Variants in NCKAP5 observed in about 807,000 individuals in gnomAD.
NCKAP5 encodes the protein nck-associated protein 5.
Under a neutral mutation model 167.0 loss-of-function variants are expected in NCKAP5, and 92 were observed. The ratio of observed to expected loss-of-function variants is 0.55; its 90% CI spans 0.47 to 0.66. The LOEUF (loss-of-function observed/expected upper bound fraction) is 0.66. Among genes scored for constraint, NCKAP5 ranks in the 30% least tolerant of loss-of-function variants. NCKAP5 has a pLI of 0.00. For missense variants in NCKAP5, 2,378 were observed against 2,315.0 expected (o/e 1.03, Z -0.56); for synonymous variants, 891 against 877.4 (o/e 1.02, Z -0.27).
At chr2:133,098,391 C>T (rs191589871) in intron 6 of NCKAP5, among the ~76,000 whole-genome samples, 4 of 152,196 alleles carry the variant, frequency 2.6e-5, no homozygotes, top group East Asian at 1.9e-4. Context: ...ATATTAGGAT[C>T]GAATGACTCC....
chr2:133,288,492 C>T (rs140264546), intron 4 of NCKAP5, among the ~76,000 whole-genome samples: 6 of 152,222 alleles, frequency 3.9e-5, no homozygotes, highest in East Asian at 1.9e-4. Flanking sequence ...GAAGAGACAG[C>T]GTCAGACAAT....
At chr2:133,461,345 A>C (rs1283622820) in intron 3 of NCKAP5, among the ~76,000 whole-genome samples, 1 of 152,138 alleles carries the variant, frequency 6.6e-6, no homozygotes, top group African/African-American at 2.4e-5. Context: ...CCTTGATCAA[A>C]ACTTCTTAAT....
chr2:133,144,330 A>G (rs2083108363), intron 5 of NCKAP5, among the ~76,000 whole-genome samples: 1 of 152,080 alleles, frequency 6.6e-6, no homozygotes, highest in Admixed American at 6.6e-5. Context: ...TTCCAAAAAA[A>G]CTATTACAAA....
chr2:132,869,876 A>G (rs1690667584), intron 9 of NCKAP5, among the ~76,000 whole-genome samples: 1 of 152,194 alleles, frequency 6.6e-6, no homozygotes. Context: ...TCTATTGAAT[A>G]TCTATGTGGT....
intron 16 of NCKAP5, among the ~76,000 whole-genome samples, chr2:132,744,035 T>C (rs1679433923): frequency 6.6e-6 from 1 of 151,638 alleles, no homozygotes; most frequent in South Asian, 2.1e-4. Flanking sequence ...AACTCCAAAA[T>C]TATGAAGCAG....
chr2:132,685,625 A>G (rs2105077699), intron 19 of NCKAP5, among the ~76,000 whole-genome samples: 1 of 152,292 alleles, frequency 6.6e-6, no homozygotes, highest in Admixed American at 6.5e-5. Flanking sequence ...CCCTGGAACT[A>G]CAATTAATGG....
At chr2:132,714,463 G>A (rs1220341492) in intron 19 of NCKAP5, among the ~76,000 whole-genome samples, 1 of 152,110 alleles carries the variant, frequency 6.6e-6, no homozygotes, top group Non-Finnish European at 1.5e-5. Context: ...GGCAAGGTGG[G>A]CATTATGTGG....
intron 3 of NCKAP5, among the ~76,000 whole-genome samples, chr2:133,356,436 C>T (rs1684722565): frequency 6.6e-6 from 1 of 152,100 alleles, no homozygotes; most frequent in Non-Finnish European, 1.5e-5. Context: ...TCCCCATTTT[C>T]TCCACTTTCC....
In NCKAP5 at chr2:132,827,120, T is replaced by C. The variant is rs184280635; in HGVS notation, c.808-30391A>G. 1.4e-3 allele frequency among the ~76,000 whole-genome samples: 214 copies of C among 152,290 alleles called. 1 individual carries two copies. Among genetic ancestry groups the C allele is most frequent in the African/African-American group, 4.8e-3 (201 of 41,562 alleles). ...CAGATGGAGATGGAGTGTATAGATA[T>C]AGTCATGGAAAAAATTACAACTGCA... is the stretch of plus-strand genomic sequence containing the variant. On this transcript the variant is annotated intron_variant, in intron 11 of 19. Coordinates refer to ENST00000409261, the MANE Select transcript of NCKAP5 (RefSeq NM_207363.3).
chr2:133,249,689 T>G (rs2088202942), intron 4 of NCKAP5, among the ~76,000 whole-genome samples: 1 of 152,160 alleles, frequency 6.6e-6, no homozygotes, highest in African/African-American at 2.4e-5. Flanking sequence ...ACAACACAGA[T>G]TCAAGCTCTA....
chr2:132,731,940 TC>T lies in NCKAP5; in HGVS notation c.5239del (p.Asp1747ThrfsTer18). ...CTGGAGAGGCAGGAGAGGCTCAGCG[TC>T]CTCTGGGGAGTCTGGCTGGCATAGG... Reference protein sequence around the residue: ...RYLCQPDSPEDAEPLLPLQSA... With the variant: ...RYLCQPDSPEXAEPLLPLQSA... On this transcript the variant is annotated frameshift_variant, in exon 17 of 20. Transcript: ENST00000409261. LOFTEE classifies it high-confidence loss of function. 6.2e-7 allele frequency: 1 copy of T among 1,613,870 alleles called. No homozygotes were observed. The highest frequency in any genetic ancestry group is 8.5e-7 in the Non-Finnish European group (1 of 1,179,880).
chr2:132,959,265 T>G (rs1033296808), intron 8 of NCKAP5, among the ~76,000 whole-genome samples: 1 of 152,030 alleles, frequency 6.6e-6, no homozygotes. Flanking sequence ...AAGGTATAAT[T>G]GAGTAGAAAA....
chr2:133,046,587 C>G (rs1203970199), intron 6 of NCKAP5, among the ~76,000 whole-genome samples: 1 of 151,976 alleles, frequency 6.6e-6, no homozygotes, highest in Non-Finnish European at 1.5e-5. Flanking sequence ...CTATGTTGCC[C>G]AGGTTGGTCT....
intron 11 of NCKAP5, among the ~76,000 whole-genome samples, chr2:132,850,823 G>A (rs895296397): frequency 1.3e-5 from 2 of 152,044 alleles, no homozygotes; most frequent in Non-Finnish European, 2.9e-5. Context: ...TTCTGAGGTA[G>A]GAAAGGGCAG....
At chr2:132,786,476 G>C (rs80176373) in intron 13 of NCKAP5, among the ~76,000 whole-genome samples, 13,919 of 152,132 alleles carry the variant, frequency 0.091, 723 homozygotes, top group East Asian at 0.2. Flanking sequence ...CTGGGCATTC[G>C]CTGTTAGAAC....
intron 8 of NCKAP5, among the ~76,000 whole-genome samples, chr2:132,920,762 T>TGC (rs1695318020): frequency 1.4e-5 from 1 of 70,300 alleles, no homozygotes; most frequent in Non-Finnish European, 2.3e-5. Flanking sequence ...TATATGTATA[T>TGC]ATATGTATGT....
intron 3 of NCKAP5, among the ~76,000 whole-genome samples, chr2:133,344,841 G>T (rs918401017): frequency 6.6e-6 from 1 of 152,004 alleles, no homozygotes; most frequent in Non-Finnish European, 1.5e-5. Flanking sequence ...CTCTGTTTGG[G>T]TCATTTTAGG....
chr2:133,056,751 G>A (rs929963587), intron 6 of NCKAP5, among the ~76,000 whole-genome samples: 5 of 152,108 alleles, frequency 3.3e-5, no homozygotes, highest in Admixed American at 6.5e-5. Flanking sequence ...ATTTGATACC[G>A]TCATAACTTT....
chr2:133,072,508 C>G (rs2080449899), intron 6 of NCKAP5, among the ~76,000 whole-genome samples: 2 of 152,162 alleles, frequency 1.3e-5, no homozygotes, highest in Admixed American at 1.3e-4. Flanking sequence ...ACCCCACTCC[C>G]CGATCGTCTA....
Sources: gnomAD v4.1 joint callset for allele counts (sites outside exome capture counted in the v4.1 genomes callset) on GRCh38, gnomAD v4.1.1 for gene constraint, MANE v1.5 for transcripts, NCBI Gene and HGNC (gene_info 2026-07-23, HGNC 2026-07-21) for gene names.